The following UVRAG variants were observed in gnomAD, a reference collection of about 807,000 sequenced individuals.
UVRAG encodes the protein UV radiation resistance-associated gene protein.
UVRAG carries 19 observed loss-of-function variants against 78.0 expected under a neutral mutation model. That is an observed-to-expected ratio of 0.24 (90% CI 0.17 to 0.36). The LOEUF is 0.36. UVRAG is among the 10% of genes least tolerant of loss of function. The pLI is 1.00. For missense variants in UVRAG, 740 were observed against 853.8 expected, an observed-to-expected ratio of 0.87 and a Z score of 1.66; for synonymous variants, 323 against 324.6, an observed-to-expected ratio of 1.00 and a Z score of 0.05.
intron 2 of UVRAG, among the ~76,000 whole-genome samples, chr11:75,859,005 C>T (rs1461451711): frequency 6.6e-6 from 1 of 152,166 alleles, no homozygotes; most frequent in Non-Finnish European, 1.5e-5. Flanking sequence ...TTCTTTCCGT[C>T]TTAGCATGGC....
chr11:76,113,410 C>G (rs1000006987), intron 13 of UVRAG, among the ~76,000 whole-genome samples: 2 of 151,706 alleles, frequency 1.3e-5, no homozygotes, highest in African/African-American at 4.8e-5. Context: ...GATGATGTCT[C>G]TAACTGGAGG....
intron 14 of UVRAG, chr11:76,137,686 C>T (rs1425663865): frequency 5.7e-6 from 2 of 349,740 alleles, no homozygotes; most frequent in Non-Finnish European, 1.1e-5. Flanking sequence ...ATCACTTGAG[C>T]CCAGGAGTTT....
intron 14 of UVRAG, among the ~76,000 whole-genome samples, chr11:76,118,381 T>C (rs997062479): frequency 2.6e-5 from 4 of 152,198 alleles, no homozygotes; most frequent in Admixed American, 2.0e-4. Context: ...TATAACTTCG[T>C]TACTTTTTCT....
rs142754881 is a variant in UVRAG, at chr11:75,912,122, C to T, written c.593+83C>T. On this transcript the variant is annotated intron_variant, in intron 6 of 14. Coordinates refer to ENST00000356136, the MANE Select transcript of UVRAG (RefSeq NM_003369.4). Reference sequence around the variant, plus strand: ...TGACATTTCAATGTGAGAAAATTAACGGAAGCTTTAGAGGCTGTTATTCAA... The same window carrying T: ...TGACATTTCAATGTGAGAAAATTAATGGAAGCTTTAGAGGCTGTTATTCAA... 2.7e-5 allele frequency: 29 copies of T among 1,072,316 alleles called. 1 individual carries two copies. Among genetic ancestry groups the T allele is most frequent in the East Asian group, 1.7e-4 (7 of 41,692 alleles). The allele number at this position is 1,072,316 out of a possible 1,614,324, so 66.4% of individuals were successfully genotyped here.
chr11:76,074,643 T>TA (rs1951372860), intron 13 of UVRAG, among the ~76,000 whole-genome samples: 2 of 152,250 alleles, frequency 1.3e-5, no homozygotes, highest in African/African-American at 4.8e-5. Context: ...GAGCTGCTGC[T>TA]ATGCTGATTT....
chr11:76,094,528 A>G (rs1951755629), intron 13 of UVRAG, among the ~76,000 whole-genome samples: 1 of 152,232 alleles, frequency 6.6e-6, no homozygotes, highest in East Asian at 1.9e-4. Context: ...TATTGCCTCA[A>G]TTTCAGAGCC....
Position 75,828,281 on chromosome 11 carries a change from G to T in UVRAG, c.117+12757G>T, listed in dbSNP as rs1350013867. On this transcript the variant is annotated intron_variant, in intron 1 of 14. Coordinates refer to ENST00000356136, the MANE Select transcript of UVRAG (RefSeq NM_003369.4). ...CTGCCCAGGTGCTCTGGAGTGATTG[G>T]TTGACTGGTGATAGTCATACACTTC... 4.6e-5 allele frequency among the ~76,000 whole-genome samples: 7 copies of T among 152,084 alleles called. No homozygotes were observed. The East Asian group carries it at 1.4e-3, about 29-fold the overall frequency.
At chr11:76,089,732 G>A (rs984659012) in intron 13 of UVRAG, among the ~76,000 whole-genome samples, 6 of 152,122 alleles carry the variant, frequency 3.9e-5, no homozygotes, top group African/African-American at 1.4e-4. Flanking sequence ...GTTACTACTT[G>A]CCTCTAAATA....
intron 6 of UVRAG, among the ~76,000 whole-genome samples, chr11:75,939,425 A>G (rs1400362146): frequency 1.3e-5 from 2 of 152,210 alleles, no homozygotes; most frequent in African/African-American, 2.4e-5. Flanking sequence ...TTAGAGTTAC[A>G]TAATATCCTC....
intron 6 of UVRAG, 41 bp from the exon 7 acceptor site, chr11:75,961,403 C>A: frequency 6.7e-7 from 1 of 1,499,496 alleles, no homozygotes; most frequent in Non-Finnish European, 9.0e-7. Flanking sequence ...GTTGAGTTTA[C>A]TGTTAACTCA....
chr11:75,826,979 T>A (rs1203306569), intron 1 of UVRAG, among the ~76,000 whole-genome samples: 4 of 152,194 alleles, frequency 2.6e-5, no homozygotes, highest in Admixed American at 6.5e-5. Context: ...GTTGGTCCAT[T>A]GAAATAGCTG....
rs1419959773 is a variant in UVRAG, at chr11:75,961,281, T to A, written c.594-163T>A. Among the ~76,000 whole-genome samples the A allele has an allele frequency of 2.6e-5, 4 of 152,178 alleles. No individual in the cohort carries two copies. The East Asian group carries it at 5.8e-4, about 22-fold the overall frequency. ...TTTAGAGCTTTACTGTTATAGGATTTATTGTATTCCCTGTTATTTCATTGC... is the reference window on the plus strand; with the variant it reads ...TTTAGAGCTTTACTGTTATAGGATTAATTGTATTCCCTGTTATTTCATTGC... On this transcript the variant is annotated intron_variant, in intron 6 of 14. Coordinates refer to ENST00000356136, the MANE Select transcript of UVRAG (RefSeq NM_003369.4).
intron 6 of UVRAG, among the ~76,000 whole-genome samples, chr11:75,938,520 A>T (rs992411330): frequency 1.3e-5 from 2 of 152,020 alleles, no homozygotes; most frequent in Non-Finnish European, 1.5e-5. Context: ...TCTTCCTTTC[A>T]GTTCTTGCTT....
intron 7 of UVRAG, among the ~76,000 whole-genome samples, chr11:75,975,140 T>C (rs1421500546): frequency 1.3e-5 from 2 of 152,232 alleles, no homozygotes; most frequent in Admixed American, 6.5e-5. Context: ...TAGGATTTCT[T>C]GTTTTTGTCA....
chr11:76,065,392 A>G (rs1387725880), intron 12 of UVRAG, among the ~76,000 whole-genome samples: 1 of 152,216 alleles, frequency 6.6e-6, no homozygotes, highest in Non-Finnish European at 1.5e-5. Flanking sequence ...TGGTATCTTA[A>G]TCTTAGCTAA....
intron 14 of UVRAG, among the ~76,000 whole-genome samples, 186 bp downstream of exon 14, chr11:76,116,201 G>A (rs944411174): frequency 6.6e-6 from 1 of 152,196 alleles, no homozygotes; most frequent in Non-Finnish European, 1.5e-5. Flanking sequence ...GGAGGATGTA[G>A]CCCCCTTGGA....
At chr11:76,136,690 GTC>G (rs1952603519) in intron 14 of UVRAG, among the ~76,000 whole-genome samples, 2 of 151,812 alleles carry the variant, frequency 1.3e-5, no homozygotes, top group African/African-American at 4.8e-5. Flanking sequence ...TAGAGACAGG[GTC>G]TCCCTATGTG....
intron 7 of UVRAG, among the ~76,000 whole-genome samples, chr11:75,981,889 C>G (rs944459660): frequency 3.3e-5 from 5 of 151,434 alleles, no homozygotes; most frequent in Admixed American, 2.6e-4. Context: ...TTTATATCTT[C>G]TGTTTCTTTG....
intron 5 of UVRAG, 140 bp downstream of exon 5, chr11:75,889,043 T>C (rs1316845032): frequency 3.6e-6 from 2 of 548,320 alleles, no homozygotes; most frequent in Non-Finnish European, 6.0e-6. Flanking sequence ...TTAAGGTGGA[T>C]GCTTTTTAAT....
Sources: gnomAD v4.1 joint callset for allele counts (sites outside exome capture counted in the v4.1 genomes callset) on GRCh38, gnomAD v4.1.1 for gene constraint, MANE v1.5 for transcripts, NCBI Gene and HGNC (gene_info 2026-07-23, HGNC 2026-07-21) for gene names.